Variants in NLGN4X observed in about 807,000 individuals in gnomAD.
The protein encoded by NLGN4X is neuroligin-4, X-linked.
In NLGN4X, 3 loss-of-function variants were observed where a neutral mutation model predicts 40.3. That is an observed-to-expected ratio of 0.07 (90% confidence interval 0.03 to 0.19). The LOEUF is 0.19. Among genes scored for constraint, NLGN4X ranks in the 10% least tolerant of loss-of-function variants. The probability of loss-of-function intolerance (pLI) is 1.00; values close to 1 mark genes in which losing one functional copy is unlikely to be tolerated. For missense variants in NLGN4X, 382 were observed against 708.3 expected (o/e 0.54, Z 5.23); for synonymous variants, 270 against 306.8 (o/e 0.88, Z 1.25).
At chrX:5,972,140 C>G (rs28380015) in intron 3 of NLGN4X, among the ~76,000 whole-genome samples, 1 of 109,382 alleles carries the variant, frequency 9.1e-6, no homozygotes, top group African/African-American at 3.4e-5. Flanking sequence ...CACAGGCACA[C>G]ACACATATGT....
chrX:5,968,171 T>C (rs1394305440), intron 3 of NLGN4X, among the ~76,000 whole-genome samples: 2 of 109,359 alleles, frequency 1.8e-5, no homozygotes, highest in Non-Finnish European at 3.8e-5. Flanking sequence ...AAATCCGTAA[T>C]GCAATATTTT....
intron 2 of NLGN4X, among the ~76,000 whole-genome samples, chrX:6,081,049 G>A (rs1480474338): frequency 9.0e-6 from 1 of 110,540 alleles, no homozygotes; most frequent in Non-Finnish European, 1.9e-5. Flanking sequence ...AGCACTTTGG[G>A]AGGCCAAGGC....
chrX:6,227,093 G>GGGGCT (rs1926439189), intron 1 of NLGN4X: 5 of 112,658 alleles, frequency 4.4e-5, no homozygotes, highest in African/African-American at 1.6e-4. Flanking sequence ...GGAGTGGGAA[G>GGGGCT]GGGCTGAGCC....
chrX:5,957,445 C>A (rs956649915), intron 3 of NLGN4X, among the ~76,000 whole-genome samples: 1 of 111,642 alleles, frequency 9.0e-6, no homozygotes, highest in Non-Finnish European at 1.9e-5. Flanking sequence ...TATGCCTTTG[C>A]ATCACAGTGG....
At chrX:5,920,484 C>T (rs1429426290) in intron 3 of NLGN4X, among the ~76,000 whole-genome samples, 2 of 111,799 alleles carry the variant, frequency 1.8e-5, no homozygotes, top group Non-Finnish European at 3.8e-5. Flanking sequence ...GAAAGTTGGT[C>T]CTGGCTTTAA....
chrX:6,102,099 C>T (rs895145576), intron 2 of NLGN4X, among the ~76,000 whole-genome samples: 3 of 111,148 alleles, frequency 2.7e-5, no homozygotes, highest in African/African-American at 9.8e-5. Flanking sequence ...CGTGAGCCAC[C>T]GTGCCTGGCC....
chrX:5,969,745 T>A (rs1458547153), intron 3 of NLGN4X, among the ~76,000 whole-genome samples: 1 of 110,124 alleles, frequency 9.1e-6, no homozygotes, highest in African/African-American at 3.3e-5. Flanking sequence ...TGCGTCACTA[T>A]TCGTAATAGC....
chrX:6,025,999 C>A (rs2036682270), intron 3 of NLGN4X, among the ~76,000 whole-genome samples: 1 of 109,840 alleles, frequency 9.1e-6, no homozygotes, highest in Admixed American at 9.7e-5. Flanking sequence ...AACCATGGAA[C>A]TTTTATACTG....
intron 2 of NLGN4X, among the ~76,000 whole-genome samples, chrX:6,148,674 C>T (rs187409587): frequency 3.1e-3 from 338 of 110,601 alleles, no homozygotes; most frequent in African/African-American, 0.011. Flanking sequence ...CGCCACCATG[C>T]CCAGCTAATT....
chrX:5,982,020 T>C (rs927208740), intron 3 of NLGN4X, among the ~76,000 whole-genome samples: 1 of 111,932 alleles, frequency 8.9e-6, no homozygotes, highest in Non-Finnish European at 1.9e-5. Flanking sequence ...ACAGTGGCTT[T>C]AGTAATTTGT....
chrX:5,890,724 C>T lies in NLGN4X; in HGVS notation c.*2093G>A. The T allele has an allele frequency of 3.2e-6, 1 of 309,950 alleles. No individual in the cohort carries two copies. Among genetic ancestry groups the T allele is most frequent in the South Asian group, 3.0e-5 (1 of 33,788 alleles). 25.5% of individuals were successfully genotyped at this position (309,950 alleles called of 1,213,427 possible). ...GGAAAGAAATGTTGCTTCACGTGTG[C>T]TAAGTTGAGATAATAATATTTCACA... On this transcript the variant is annotated 3_prime_UTR_variant, in exon 6 of 6. Transcript: ENST00000381095.
chrX:6,201,448 TG>T (rs1228391200), intron 1 of NLGN4X, among the ~76,000 whole-genome samples: 1 of 111,966 alleles, frequency 8.9e-6, no homozygotes, highest in Non-Finnish European at 1.9e-5. Context: ...TTATGAATTT[TG>T]AACGAGATAG....
intron 1 of NLGN4X, among the ~76,000 whole-genome samples, chrX:6,193,492 T>TAAAAAAAAAAAAGAAAAAAGG (rs34523446): frequency 1.1e-5 from 1 of 93,505 alleles, no homozygotes; most frequent in African/African-American, 4.2e-5. Flanking sequence ...GTTCCCTATT[T>TAAAAAAAAAAAAGAAAAAAGG]AAAAAAAAAA....
At chrX:5,945,278 C>G (rs1403503894) in intron 3 of NLGN4X, among the ~76,000 whole-genome samples, 1 of 110,982 alleles carries the variant, frequency 9.0e-6, no homozygotes, top group African/African-American at 3.3e-5. Flanking sequence ...AGTGAGTACC[C>G]CATACGAGAA....
At chrX:6,121,514 G>GAGATGCAGGA (rs2039424981) in intron 2 of NLGN4X, among the ~76,000 whole-genome samples, 1 of 112,333 alleles carries the variant, frequency 8.9e-6, no homozygotes, top group African/African-American at 3.2e-5. Context: ...TTTGCCCATG[G>GAGATGCAGGA]AGATGCAGGA....
At chrX:6,001,436 G>A (rs1317899728) in intron 3 of NLGN4X, among the ~76,000 whole-genome samples, 1 of 112,188 alleles carries the variant, frequency 8.9e-6, no homozygotes, top group East Asian at 2.8e-4. Flanking sequence ...TACTTCTTGT[G>A]ATGCTTAGAA....
chrX:5,942,316 G>A (rs942495126), intron 3 of NLGN4X, among the ~76,000 whole-genome samples: 2 of 110,881 alleles, frequency 1.8e-5, no homozygotes, highest in African/African-American at 6.6e-5. Context: ...CAGTGGGGGC[G>A]AGCCACATCA....
Position 5,899,690 on chromosome X carries a change from C to CT in NLGN4X, c.1601+3386dup, listed in dbSNP as rs72374207. Among the ~76,000 whole-genome samples the CT allele has an allele frequency of 5.1e-3, 491 of 95,941 alleles. 7 individuals are homozygous for CT. The highest frequency in any genetic ancestry group is 0.013 in the African/African-American group (344 of 26,698). The allele number at this position is 95,941 out of a possible 115,157, so 83.3% of individuals were successfully genotyped here. ...CCTTTATCTTTTTCTGTCTTTTTTCCTTTTTTTTTTTTTTTATTTTTTTTT... is the reference window on the plus strand; with the variant it reads ...CCTTTATCTTTTTCTGTCTTTTTTCCTTTTTTTTTTTTTTTTATTTTTTTTT... On this transcript the variant is annotated intron_variant, in intron 5 of 5. Coordinates refer to ENST00000381095, the MANE Select transcript of NLGN4X (RefSeq NM_181332.3).
At position 5,909,037 on chromosome X, in the gene NLGN4X, G is replaced by A. The variant is rs773417135; in HGVS notation, c.811+17C>T. The A allele has an allele frequency of 1.7e-6, 2 of 1,209,987 alleles. No individual in the cohort carries two copies. Among genetic ancestry groups the A allele is most frequent in the South Asian group, 3.5e-5 (2 of 56,807 alleles). On this transcript the variant is annotated intron_variant, in intron 4 of 5. Coordinates refer to ENST00000381095, the MANE Select transcript of NLGN4X (RefSeq NM_181332.3). Reference sequence around the variant, plus strand: ...TTCAGGGTATTTGCCCGCCCACCCTGGGGGTGCCATTATTACCTTCTGAGT... The same window carrying A: ...TTCAGGGTATTTGCCCGCCCACCCTAGGGGTGCCATTATTACCTTCTGAGT...
Sources: gnomAD v4.1 joint callset for allele counts (sites outside exome capture counted in the v4.1 genomes callset) on GRCh38, gnomAD v4.1.1 for gene constraint, MANE v1.5 for transcripts, NCBI Gene and HGNC (gene_info 2026-07-23, HGNC 2026-07-21) for gene names.